SPHKAP: variants seen among roughly 807,000 people sequenced by gnomAD.
SPHKAP encodes SPHK1 interactor, AKAP domain containing, also known as A-kinase anchor protein SPHKAP.
In SPHKAP, 67 loss-of-function variants were observed where a neutral mutation model predicts 137.5. That is an observed-to-expected ratio of 0.49 (90% confidence interval 0.40 to 0.60). The LOEUF (loss-of-function observed/expected upper bound fraction) is 0.60. Among genes scored for constraint, SPHKAP ranks in the 20% least tolerant of loss-of-function variants. SPHKAP has a pLI of 0.00. For missense variants in SPHKAP, 2,097 were observed against 2,069.3 expected (o/e 1.01, Z -0.26); for synonymous variants, 813 against 785.3 (o/e 1.04, Z -0.59).
In SPHKAP at chr2:228,096,316, T is replaced by C. The variant is rs191134987; in HGVS notation, c.246+12516A>G. On this transcript the variant is annotated intron_variant, in intron 3 of 11. Transcript: ENST00000392056. ...GATTAATTTTTATCTTTTGGATCAC[T>C]CTTTTGGTTGAGTTTTCATGAAGTA... 2.0e-4 allele frequency among the ~76,000 whole-genome samples: 30 copies of C among 152,276 alleles called. No individual in the cohort carries two copies. The East Asian group carries it at 5.6e-3, about 28-fold the overall frequency.
In SPHKAP at chr2:228,096,551, T is replaced by G. The variant is rs147869309; in HGVS notation, c.246+12281A>C. ...AAACTGCATCCCACGAGTACTCTAT[T>G]TTCTATCTGAGTTTGGTTGAATGAA... is the stretch of plus-strand genomic sequence containing the variant. On this transcript the variant is annotated intron_variant, in intron 3 of 11. Transcript: ENST00000392056. 8.6e-3 allele frequency among the ~76,000 whole-genome samples: 1,307 copies of G among 152,132 alleles called. 11 individuals are homozygous for G. Among genetic ancestry groups the G allele is most frequent in the Non-Finnish European group, 0.014 (928 of 67,992 alleles).
At chr2:228,090,080 C>T (rs140984196) in intron 3 of SPHKAP, among the ~76,000 whole-genome samples, 32 of 152,248 alleles carry the variant, frequency 2.1e-4, no homozygotes, top group African/African-American at 7.0e-4. Flanking sequence ...GAGTCGCCAG[C>T]GTCTTGTAAC....
At chr2:228,180,033 C>T (rs1020660042) in intron 1 of SPHKAP, among the ~76,000 whole-genome samples, 9 of 152,186 alleles carry the variant, frequency 5.9e-5, no homozygotes, top group Admixed American at 5.2e-4. Context: ...ATTTACATGA[C>T]TTTCCAAACA....
At position 228,017,986 on chromosome 2, in the gene SPHKAP, T is replaced by A. The variant is rs772021267; in HGVS notation, c.2868A>T (p.Gln956His). 6.2e-7 allele frequency: 1 copy of A among 1,614,026 alleles called. No homozygotes were observed. Among genetic ancestry groups the A allele is most frequent in the South Asian group, 1.1e-5 (1 of 91,072 alleles). The change falls in exon 7 of 12, where the codon CAA becomes CAT. Residue 956 changes from glutamine (Q) to histidine (H), a missense_variant. Coordinates refer to ENST00000392056, the MANE Select transcript of SPHKAP (RefSeq NM_001142644.2). ...CTCTTTTCCATGCACAAAACCAGGGTTGTTTTCCACTGGAGTTGTCAAGGC... is the reference window on the plus strand; with the variant it reads ...CTCTTTTCCATGCACAAAACCAGGGATGTTTTCCACTGGAGTTGTCAAGGC... ...AICLDNSSGK[Q>H]PWFCAWKRGS... is the part of the protein sequence containing the mutation.
intron 1 of SPHKAP, among the ~76,000 whole-genome samples, chr2:228,165,072 T>C (rs935814986): frequency 2.6e-5 from 4 of 152,290 alleles, no homozygotes; most frequent in Admixed American, 2.6e-4. Flanking sequence ...AAAGTATGAA[T>C]GGATTCTGTT....
At chr2:228,097,747 A>G (rs1271936182) in intron 3 of SPHKAP, among the ~76,000 whole-genome samples, 1 of 152,144 alleles carries the variant, frequency 6.6e-6, no homozygotes, top group African/African-American at 2.4e-5. Flanking sequence ...CTTCTAAGTG[A>G]CAACATGTGG....
At chr2:228,008,722 T>C (rs1484129604) in intron 7 of SPHKAP, among the ~76,000 whole-genome samples, 3 of 151,970 alleles carry the variant, frequency 2.0e-5, no homozygotes, top group Non-Finnish European at 4.4e-5. Flanking sequence ...GTTGTTTCTG[T>C]ACTGTTTATT....
At chr2:228,001,339 A>C (rs113667529) in intron 7 of SPHKAP, among the ~76,000 whole-genome samples, 1 of 143,680 alleles carries the variant, frequency 7.0e-6, no homozygotes, top group South Asian at 2.1e-4. Context: ...ACATATATAA[A>C]TATATATACA....
intron 1 of SPHKAP, among the ~76,000 whole-genome samples, chr2:228,133,186 A>G (rs1394528569): frequency 6.6e-6 from 1 of 151,966 alleles, no homozygotes; most frequent in Non-Finnish European, 1.5e-5. Context: ...GCATGCCTGT[A>G]GTCCCAACTA....
chr2:228,114,118 C>T (rs1396494183), intron 2 of SPHKAP, among the ~76,000 whole-genome samples: 2 of 152,098 alleles, frequency 1.3e-5, no homozygotes, highest in Non-Finnish European at 2.9e-5. Flanking sequence ...CTCAATGGCT[C>T]ATTTGTCTGC....
At chr2:228,166,521 C>T (rs773295709) in intron 1 of SPHKAP, among the ~76,000 whole-genome samples, 2 of 152,078 alleles carry the variant, frequency 1.3e-5, no homozygotes, top group Non-Finnish European at 2.9e-5. Context: ...TGATTTTTTG[C>T]CCACTCTCAA....
At chr2:228,139,061 G>C (rs1448418801) in intron 1 of SPHKAP, among the ~76,000 whole-genome samples, 1 of 152,130 alleles carries the variant, frequency 6.6e-6, no homozygotes, top group African/African-American at 2.4e-5. Context: ...TTAGAAGAAA[G>C]AATGGCCTCA....
chr2:228,122,031 G>A (rs1698922461), intron 2 of SPHKAP, among the ~76,000 whole-genome samples: 1 of 152,140 alleles, frequency 6.6e-6, no homozygotes, highest in South Asian at 2.1e-4. Context: ...CAGTGATAGG[G>A]AGCAGGGTTG....
intron 2 of SPHKAP, among the ~76,000 whole-genome samples, chr2:228,128,999 C>T (rs1472032486): frequency 2.6e-5 from 4 of 152,032 alleles, no homozygotes; most frequent in East Asian, 1.9e-4. Context: ...GAGCATTGGC[C>T]GTCACTTAAA....
chr2:228,141,228 G>C (rs1324166407), intron 1 of SPHKAP, among the ~76,000 whole-genome samples: 2 of 152,186 alleles, frequency 1.3e-5, no homozygotes, highest in Non-Finnish European at 1.5e-5. Flanking sequence ...AGTTACTAGA[G>C]AGATGGAGTT....
intron 1 of SPHKAP, among the ~76,000 whole-genome samples, chr2:228,132,905 G>A (rs537181417): frequency 2.0e-5 from 3 of 151,488 alleles, no homozygotes; most frequent in Admixed American, 1.3e-4. Flanking sequence ...AAAGGAGGCT[G>A]AGGTATGAGA....
chr2:228,152,112 T>A (rs1371427577), intron 1 of SPHKAP, among the ~76,000 whole-genome samples: 4 of 152,192 alleles, frequency 2.6e-5, no homozygotes, highest in African/African-American at 7.2e-5. Context: ...ATCCTTGGTA[T>A]TTGTTGAGAA....
chr2:228,025,332 C>G lies in SPHKAP; in HGVS notation c.441+62G>C, dbSNP rs1172460404. 1.9e-6 allele frequency: 3 copies of G among 1,562,554 alleles called. No homozygotes were observed. The African/African-American group carries it at 4.1e-5, about 21-fold the overall frequency. ...GTGTAGCATCTGTTTGGGGTTTACA[C>G]TGATCTGTGCTGAGCTAACTATAGA... On this transcript the variant is annotated intron_variant, in intron 5 of 11. Transcript: ENST00000392056.
chr2:228,180,714 TGCCCGGCTGGGGGAGCAG>T (rs1351197119), intron 1 of SPHKAP, among the ~76,000 whole-genome samples: 2 of 152,212 alleles, frequency 1.3e-5, no homozygotes, highest in Non-Finnish European at 2.9e-5. Flanking sequence ...AAAGGCCACC[TGCCCGGCTGGGGGAGCAG>T]GCCCAGCACC....
Sources: allele counts gnomAD v4.1 joint callset (sites outside exome capture counted in the v4.1 genomes callset), GRCh38; gene constraint gnomAD v4.1.1; transcripts MANE v1.5; gene names NCBI Gene and HGNC (gene_info 2026-07-23, HGNC 2026-07-21).